The following SUPT3H variants were observed in gnomAD, a reference collection of about 807,000 sequenced individuals.
SUPT3H encodes SPT3 homolog, SAGA and STAGA complex component, also known as transcription initiation protein SPT3 homolog.
SUPT3H carries 44 observed loss-of-function variants against 44.3 expected under a neutral mutation model. The ratio of observed to expected loss-of-function variants is 0.99; its 90% CI spans 0.78 to 1.28. The LOEUF (loss-of-function observed/expected upper bound fraction) is 1.28, where lower values mean the gene tolerates loss of function less well. Among genes scored for constraint, SUPT3H ranks in the 50% most tolerant of loss-of-function variants. The probability of loss-of-function intolerance (pLI) is 0.00; values close to 1 mark genes in which losing one functional copy is unlikely to be tolerated. For synonymous variants in SUPT3H, 124 were observed against 125.6 expected (o/e 0.99, Z 0.09); for missense variants, 380 against 387.1 (o/e 0.98, Z 0.15).
chr6:45,099,181 C>CA (rs1471521035), intron 3 of SUPT3H: 10 of 276,994 alleles, frequency 3.6e-5, no homozygotes, highest in African/African-American at 2.3e-4. Flanking sequence ...CCTTTCCTTT[C>CA]ATGACAACTC....
chr6:45,186,671 G>A (rs1380018410), intron 2 of SUPT3H, among the ~76,000 whole-genome samples: 1 of 152,136 alleles, frequency 6.6e-6, no homozygotes, highest in East Asian at 1.9e-4. Flanking sequence ...AAAAATTTGA[G>A]AAAATCTCAG....
intron 2 of SUPT3H, among the ~76,000 whole-genome samples, chr6:45,230,686 A>ATTAT (rs1767869412): frequency 2.6e-5 from 3 of 116,796 alleles, no homozygotes; most frequent in African/African-American, 9.4e-5. Flanking sequence ...ATATATATAT[A>ATTAT]TTTTTGAGAT....
chr6:44,835,463 G>A (rs1561856875), intron 10 of SUPT3H, among the ~76,000 whole-genome samples: 1 of 5,260 alleles, frequency 1.9e-4, no homozygotes. Flanking sequence ...AGAGGGTTGA[G>A]GTTGAAAGGG....
At chr6:45,189,557 A>G (rs1401555358) in intron 2 of SUPT3H, among the ~76,000 whole-genome samples, 4 of 152,196 alleles carry the variant, frequency 2.6e-5, no homozygotes, top group Non-Finnish European at 4.4e-5. Flanking sequence ...CTGAATAAGG[A>G]GAACTGTAAT....
At chr6:45,320,534 C>T (rs1785329240) in intron 2 of SUPT3H, among the ~76,000 whole-genome samples, 1 of 152,034 alleles carries the variant, frequency 6.6e-6, no homozygotes, top group South Asian at 2.1e-4. Flanking sequence ...CCACCTCAGC[C>T]TCCCAAAATG....
chr6:45,112,197 T>A (rs900928888), intron 2 of SUPT3H, among the ~76,000 whole-genome samples: 1 of 152,112 alleles, frequency 6.6e-6, no homozygotes, highest in Admixed American at 6.6e-5. Flanking sequence ...TCTTCAAGAA[T>A]GGGGCAACAC....
At chr6:44,946,245 A>G (rs763334463) in intron 9 of SUPT3H, among the ~76,000 whole-genome samples, 22 of 152,242 alleles carry the variant, frequency 1.4e-4, no homozygotes, top group Non-Finnish European at 2.8e-4. Flanking sequence ...AGAAGTACAA[A>G]AAGATGAACA....
intron 6 of SUPT3H, among the ~76,000 whole-genome samples, chr6:44,982,590 C>A (rs1779250987): frequency 6.6e-6 from 1 of 152,128 alleles, no homozygotes; most frequent in Non-Finnish European, 1.5e-5. Context: ...CCAGATACTT[C>A]AAAACTATGA....
chr6:45,303,768 G>A (rs1378952107), intron 2 of SUPT3H, among the ~76,000 whole-genome samples: 2 of 151,914 alleles, frequency 1.3e-5, no homozygotes, highest in African/African-American at 4.8e-5. Context: ...GCCAAGGTGG[G>A]CGGATCACGA....
intron 11 of SUPT3H, among the ~76,000 whole-genome samples, chr6:44,818,842 G>A (rs997073834): frequency 6.6e-6 from 1 of 152,152 alleles, no homozygotes; most frequent in Non-Finnish European, 1.5e-5. Context: ...GTGAAGATAT[G>A]GAGAAACTAG....
intron 2 of SUPT3H, among the ~76,000 whole-genome samples, chr6:45,218,967 G>A (rs1765545935): frequency 6.6e-6 from 1 of 152,060 alleles, no homozygotes; most frequent in South Asian, 2.1e-4. Flanking sequence ...ATCAATAACA[G>A]AAAGATAATG....
chr6:45,305,894 C>T (rs1782911455), intron 2 of SUPT3H, among the ~76,000 whole-genome samples: 1 of 152,222 alleles, frequency 6.6e-6, no homozygotes, highest in Non-Finnish European at 1.5e-5. Context: ...AAAAGCCAAG[C>T]CCTCACTGCT....
intron 3 of SUPT3H, among the ~76,000 whole-genome samples, chr6:45,047,708 C>T (rs9942444): frequency 0.022 from 3,350 of 152,090 alleles, 126 homozygotes; most frequent in African/African-American, 0.076. Flanking sequence ...ATATTCCCAC[C>T]ACTAGTGTGC....
At chr6:44,976,090 G>A (rs1262476858) in intron 6 of SUPT3H, among the ~76,000 whole-genome samples, 1 of 152,130 alleles carries the variant, frequency 6.6e-6, no homozygotes, top group Admixed American at 6.5e-5. Context: ...AATCAGAAAT[G>A]AGCAAGTCCA....
chr6:45,147,166 G>A (rs1377994211), intron 2 of SUPT3H, among the ~76,000 whole-genome samples: 1 of 152,036 alleles, frequency 6.6e-6, no homozygotes, highest in Admixed American at 6.6e-5. Context: ...GTAGGTGAGC[G>A]AGAAATCTAA....
chr6:45,081,333 T>C lies in SUPT3H; in HGVS notation c.186+24589A>G, dbSNP rs191852986. Among the ~76,000 whole-genome samples, 12 of 152,206 alleles carry C rather than the reference T, an allele frequency of 7.9e-5. No individual in the cohort carries two copies. In the East Asian group the frequency reaches 2.1e-3, roughly 27 times the overall value. On this transcript the variant is annotated intron_variant, in intron 3 of 10. Transcript: ENST00000371459. ...TACCTTTATACTCCCTGTTAATACA[T>C]GGTATTCTCCTTCACATTATTTAAT... is the stretch of plus-strand genomic sequence containing the variant.
At chr6:45,193,901 A>G (rs1815557440) in intron 2 of SUPT3H, among the ~76,000 whole-genome samples, 1 of 152,172 alleles carries the variant, frequency 6.6e-6, no homozygotes, top group Non-Finnish European at 1.5e-5. Flanking sequence ...CAGCTTTTGA[A>G]ATTTTAAGTA....
At chr6:44,820,303 G>T (rs1767210167) in intron 11 of SUPT3H, among the ~76,000 whole-genome samples, 1 of 152,094 alleles carries the variant, frequency 6.6e-6, no homozygotes, top group Admixed American at 6.6e-5. Context: ...TGCTTGTAGT[G>T]GTCAAATTTC....
At chr6:44,870,698 G>A (rs541023660) in intron 10 of SUPT3H, among the ~76,000 whole-genome samples, 5 of 151,630 alleles carry the variant, frequency 3.3e-5, no homozygotes, top group African/African-American at 7.2e-5. Context: ...CATGAGCGAC[G>A]CAGAAGACGG....
Sources: allele counts gnomAD v4.1 joint callset (sites outside exome capture counted in the v4.1 genomes callset), GRCh38; gene constraint gnomAD v4.1.1; transcripts MANE v1.5; gene names NCBI Gene and HGNC (gene_info 2026-07-23, HGNC 2026-07-21).